Variants in RNF123 observed in about 807,000 individuals in gnomAD.
RNF123 encodes the protein ring finger protein 123.
RNF123 carries 86 observed loss-of-function variants against 168.5 expected under a neutral mutation model. That is an observed-to-expected ratio of 0.51 (90% CI 0.43 to 0.61). The LOEUF (loss-of-function observed/expected upper bound fraction) is 0.61. Ranked by LOEUF, RNF123 falls within the 20% of genes least tolerant of loss-of-function variation. The pLI is 0.00. For missense variants in RNF123, 1,419 were observed against 1,729.7 expected, an observed-to-expected ratio of 0.82 and a Z score of 3.19; for synonymous variants, 666 against 689.1, an observed-to-expected ratio of 0.97 and a Z score of 0.52.
At chr3:49,713,043 T>A in intron 27 of RNF123, 3 of 656,848 alleles carry the variant, frequency 4.6e-6, no homozygotes, top group Non-Finnish European at 8.4e-6. Context: ...TCTTGGTAAA[T>A]CACAGCAGGG....
At chr3:49,696,935 C>A (rs556454711) in intron 3 of RNF123, 5 of 553,542 alleles carry the variant, frequency 9.0e-6, no homozygotes, top group African/African-American at 1.9e-5. Context: ...CATGGGCCAC[C>A]ACACCCGGCC....
At chr3:49,696,080 G>A (rs868834755) in intron 3 of RNF123, among the ~76,000 whole-genome samples, 1 of 152,184 alleles carries the variant, frequency 6.6e-6, no homozygotes, top group South Asian at 2.1e-4. Context: ...CCCCTGGCTG[G>A]GTGGTGGCGA....
chr3:49,719,154 G>C (rs763999842), intron 35 of RNF123: 2 of 1,613,610 alleles, frequency 1.2e-6, no homozygotes, highest in Non-Finnish European at 1.7e-6. Context: ...CGTTGACGAA[G>C]ACGCCGCGAC....
intron 27 of RNF123, chr3:49,713,118 G>A (rs776695235): frequency 7.2e-5 from 43 of 599,918 alleles, no homozygotes; most frequent in Admixed American, 2.3e-4. Context: ...CAGGCTGGGC[G>A]TGGCAGTGTA....
intron 35 of RNF123, chr3:49,718,189 A>C: frequency 6.2e-7 from 1 of 1,612,826 alleles, no homozygotes; most frequent in Non-Finnish European, 8.5e-7. Flanking sequence ...CAGCTCTTGG[A>C]GCGGGCTGGG....
intron 31 of RNF123, among the ~76,000 whole-genome samples, chr3:49,714,572 A>G (rs1226191781): frequency 1.3e-5 from 2 of 152,134 alleles, no homozygotes; most frequent in East Asian, 1.9e-4. Context: ...CTTTTTTGCT[A>G]TCTGCTGGTG....
At chr3:49,719,163 A>G (rs1162677530) in intron 35 of RNF123, 4 of 1,613,354 alleles carry the variant, frequency 2.5e-6, no homozygotes, top group Admixed American at 3.3e-5. Context: ...AGACGCCGCG[A>G]CCCAGCGCAT....
At position 49,714,207 on chromosome 3, in the gene RNF123, G is replaced by A. The variant is rs752222904; in HGVS notation, c.3010+33G>A. 4.4e-6 allele frequency: 7 copies of A among 1,594,698 alleles called. No homozygotes were observed. The African/African-American group carries it at 9.4e-5, about 21-fold the overall frequency. On this transcript the variant is annotated intron_variant, in intron 31 of 38. Transcript: ENST00000327697. The stretch of plus-strand genomic sequence containing the variant: ...TCTGGGTTGGGCGAGTCCTGGGCAA[G>A]GCAGGCGGGGGCGCTTACCTCCTAC...
rs140057242 is a variant in RNF123 at position 49,713,964 on chromosome 3, C to T, written c.2892C>T (p.Ala964=). ...CGCCCTATGAGCAGCGGCCCTGGGCCCAGACCAACTGGATCCTGGTGCGGC... is the reference window on the plus strand; with the variant it reads ...CGCCCTATGAGCAGCGGCCCTGGGCTCAGACCAACTGGATCCTGGTGCGGC... ...LLAPYEQRPW[A]QTNWILVRLW... The change falls in exon 30 of 39, where the codon GCC becomes GCT. Residue 964 remains alanine, a synonymous_variant. Transcript: ENST00000327697. 53 of 1,613,942 alleles carry T rather than the reference C, an allele frequency of 3.3e-5. No individual in the cohort carries two copies. In the African/African-American group the frequency reaches 4.1e-4, roughly 13 times the overall value.
intron 26 of RNF123, among the ~76,000 whole-genome samples, chr3:49,709,425 C>T (rs1283174049): frequency 3.3e-5 from 5 of 151,912 alleles, no homozygotes; most frequent in Admixed American, 6.6e-5. Context: ...CTCAGCCTCC[C>T]GAGTAGCTGG....
At chr3:49,720,475 A>G in intron 35 of RNF123, 36 bp from the exon 36 acceptor site, 6 of 1,515,062 alleles carry the variant, frequency 4.0e-6, no homozygotes, top group Non-Finnish European at 5.3e-6. Flanking sequence ...CCAGGCCCCA[A>G]GCCTTCTGAC....
chr3:49,719,596 C>G (rs1021252975), intron 35 of RNF123: 6 of 761,346 alleles, frequency 7.9e-6, no homozygotes, highest in African/African-American at 5.3e-5. Flanking sequence ...CGGGTTCTTG[C>G]CAGCCGACGG....
chr3:49,693,119 G>C lies in RNF123; in HGVS notation c.167+1610G>C, dbSNP rs188496660. 2.4e-3 allele frequency among the ~76,000 whole-genome samples: 361 copies of C among 151,276 alleles called. 4 individuals carry two copies. The highest frequency in any genetic ancestry group is 8.4e-3 in the African/African-American group (345 of 41,148). Reference sequence around the variant, plus strand: ...GCTGGAGTGCAGGGGCACAATCTCAGCTCACTGCAAGCTCCGCCTCCCAGG... The same window carrying C: ...GCTGGAGTGCAGGGGCACAATCTCACCTCACTGCAAGCTCCGCCTCCCAGG... On this transcript the variant is annotated intron_variant, in intron 3 of 38. Transcript: ENST00000327697.
At chr3:49,719,735 G>T in intron 35 of RNF123, 1 of 410,380 alleles carries the variant, frequency 2.4e-6, no homozygotes, top group Non-Finnish European at 4.5e-6. Flanking sequence ...GGCGGGGCCC[G>T]GGCTCCTATT....
intron 19 of RNF123, 85 bp from the exon 20 acceptor site, chr3:49,702,548 C>G (rs1421031008): frequency 1.2e-6 from 2 of 1,610,618 alleles, no homozygotes; most frequent in African/African-American, 2.7e-5. Context: ...CTGCTTAACC[C>G]TCGACCCTCA....
At chr3:49,712,387 C>G in intron 26 of RNF123, 92 bp from the exon 27 acceptor site, 1 of 1,260,376 alleles carries the variant, frequency 7.9e-7, no homozygotes, top group Non-Finnish European at 1.1e-6. Flanking sequence ...CTGTCGTAGG[C>G]CTGGGGAGGC....
chr3:49,702,246 G>T, intron 18 of RNF123, 88 bp from the exon 19 acceptor site: 1 of 1,586,346 alleles, frequency 6.3e-7, no homozygotes, highest in Non-Finnish European at 8.7e-7. Context: ...TCCCATGGCA[G>T]GGGCTGGGGG....
At position 49,720,604 on chromosome 3, in the gene RNF123, T is replaced by C. The variant is rs746760674; in HGVS notation, c.3594T>C (p.Pro1198=). The C allele has an allele frequency of 5.0e-6, 8 of 1,610,270 alleles. No homozygotes were observed. The highest frequency in any genetic ancestry group is 5.9e-6 in the Non-Finnish European group (7 of 1,177,574). ...TGGGACAGCCAGAGCCCCCAGCACC[T>C]GGCACTGCTCTGCCAGCCCCTGACC... ...YLLGQPEPPA[P]GTALPAPDRK... Residue 1198 remains proline (P), a synonymous_variant, in exon 36 of 39, where the codon CCT becomes CCC. Transcript: ENST00000327697.
In RNF123 at chr3:49,715,489, A is replaced by G. The variant is rs1008521214; in HGVS notation, c.3011-86A>G. 6.6e-6 allele frequency: 10 copies of G among 1,525,250 alleles called. No homozygotes were observed. The East Asian group carries it at 2.0e-4, about 31-fold the overall frequency. The allele number at this position is 1,525,250 out of a possible 1,614,324, so 94.5% of individuals were successfully genotyped here. On this transcript the variant is annotated intron_variant, in intron 31 of 38. Transcript: ENST00000327697. ...GAGCCATCTTTCTGTCCTTATACCAAAGCCTCAATGGGCGAGGACAGAGGC... is the reference window on the plus strand; with the variant it reads ...GAGCCATCTTTCTGTCCTTATACCAGAGCCTCAATGGGCGAGGACAGAGGC...
Sources: allele counts gnomAD v4.1 joint callset (sites outside exome capture counted in the v4.1 genomes callset), GRCh38; gene constraint gnomAD v4.1.1; transcripts MANE v1.5; gene names NCBI Gene and HGNC (gene_info 2026-07-23, HGNC 2026-07-21).